SLIT3: variants seen among roughly 807,000 people sequenced by gnomAD.
The protein encoded by SLIT3 is slit homolog 3 protein.
A neutral mutation model predicts 184.0 loss-of-function variants in SLIT3; 68 were observed. The ratio of observed to expected loss-of-function variants is 0.37; its 90% CI spans 0.30 to 0.45. The LOEUF is 0.45. Among genes scored for constraint, SLIT3 ranks in the 20% least tolerant of loss-of-function variants. The pLI is 1.00. For synonymous variants in SLIT3, 831 were observed against 828.6 expected, an observed-to-expected ratio of 1.00 and a Z score of -0.05; for missense variants, 1,707 against 2,026.0, an observed-to-expected ratio of 0.84 and a Z score of 3.02.
chr5:168,712,363 G>C lies in SLIT3; in HGVS notation c.2484-9C>G. 3 of 1,613,878 alleles carry C rather than the reference G, an allele frequency of 1.9e-6. No homozygotes were observed. The highest frequency in any genetic ancestry group is 2.5e-6 in the Non-Finnish European group (3 of 1,179,724). On this transcript the variant is annotated splice_polypyrimidine_tract_variant and intron_variant, in intron 23 of 35. Coordinates refer to ENST00000519560, the MANE Select transcript of SLIT3 (RefSeq NM_003062.4). ...CATTGCCATGGAGGGTTCTGAAGCA[G>C]AGGGCACAGGTCGGAAGGTTAGCAT...
At chr5:168,863,317 G>A (rs1044699118) in intron 5 of SLIT3, among the ~76,000 whole-genome samples, 6 of 152,174 alleles carry the variant, frequency 3.9e-5, no homozygotes, top group Non-Finnish European at 8.8e-5. Flanking sequence ...AGACAAAAGC[G>A]ATATTCAGCC....
At chr5:169,067,266 C>T (rs1339568723) in intron 4 of SLIT3, among the ~76,000 whole-genome samples, 1 of 151,970 alleles carries the variant, frequency 6.6e-6, no homozygotes, top group Non-Finnish European at 1.5e-5. Context: ...AAAAATTAGG[C>T]ATGGTGGCAC....
At chr5:168,683,503 A>T (rs1170586598) in intron 32 of SLIT3, among the ~76,000 whole-genome samples, 1 of 152,180 alleles carries the variant, frequency 6.6e-6, no homozygotes, top group African/African-American at 2.4e-5. Context: ...GTTTAGGAAA[A>T]GCTGCCCTTC....
At chr5:169,192,239 A>G (rs1448093783) in intron 4 of SLIT3, among the ~76,000 whole-genome samples, 1 of 152,170 alleles carries the variant, frequency 6.6e-6, no homozygotes, top group Non-Finnish European at 1.5e-5. Context: ...TCCTACATTT[A>G]GCAAAGTCAG....
chr5:169,192,421 C>CTCTG (rs1554105910), intron 4 of SLIT3, among the ~76,000 whole-genome samples: 5 of 111,416 alleles, frequency 4.5e-5, no homozygotes, highest in African/African-American at 1.4e-4. Context: ...TGTATATAGT[C>CTCTG]TCTGTGTGTG....
intron 9 of SLIT3, among the ~76,000 whole-genome samples, chr5:168,799,804 G>C (rs1561939552): frequency 6.6e-6 from 1 of 152,180 alleles, no homozygotes; most frequent in Non-Finnish European, 1.5e-5. Flanking sequence ...ACAGTACTAT[G>C]AACCAAGTAG....
intron 3 of SLIT3, among the ~76,000 whole-genome samples, chr5:169,203,351 G>GCGCACACACA (rs1316849336): frequency 3.4e-5 from 5 of 147,424 alleles, no homozygotes; most frequent in African/African-American, 1.3e-4. Context: ...ATGTGAATGT[G>GCGCACACACA]CACACACACA....
chr5:169,123,595 G>A (rs948159432), intron 4 of SLIT3, among the ~76,000 whole-genome samples: 7 of 152,196 alleles, frequency 4.6e-5, no homozygotes, highest in Non-Finnish European at 1.0e-4. Flanking sequence ...TGCCAAAACT[G>A]TTGTACCCAA....
chr5:169,262,778 G>A (rs535201519), intron 1 of SLIT3, among the ~76,000 whole-genome samples: 1 of 152,234 alleles, frequency 6.6e-6, no homozygotes, highest in South Asian at 2.1e-4. Context: ...GCACCTATCA[G>A]ATCCAGGAAC....
intron 35 of SLIT3, 95 bp downstream of exon 35, chr5:168,669,688 T>C: frequency 9.9e-7 from 1 of 1,013,886 alleles, no homozygotes; most frequent in Non-Finnish European, 1.5e-6. Context: ...ATGCAGCCTT[T>C]AAGTGGCACA....
At chr5:168,769,864 C>G (rs915022833) in intron 14 of SLIT3, among the ~76,000 whole-genome samples, 1 of 152,140 alleles carries the variant, frequency 6.6e-6, no homozygotes, top group Non-Finnish European at 1.5e-5. Flanking sequence ...ATACTCAATA[C>G]CTTAGATAAG....
chr5:169,199,986 C>T (rs991608028), intron 3 of SLIT3, among the ~76,000 whole-genome samples: 1 of 152,202 alleles, frequency 6.6e-6, no homozygotes, highest in South Asian at 2.1e-4. Context: ...ATCAATAGCC[C>T]TGCTGATCCG....
chr5:168,686,318 T>C (rs537792101), intron 30 of SLIT3, among the ~76,000 whole-genome samples: 222 of 152,254 alleles, frequency 1.5e-3, no homozygotes, highest in African/African-American at 5.2e-3. Flanking sequence ...GGGTGATTTC[T>C]TAAAAGAGCA....
intron 10 of SLIT3, among the ~76,000 whole-genome samples, chr5:168,795,187 T>C (rs1180986947): frequency 9.2e-5 from 14 of 152,324 alleles, no homozygotes; most frequent in Non-Finnish European, 2.9e-5. Context: ...TAGGTCCACA[T>C]CACTGGAGCC....
intron 5 of SLIT3, among the ~76,000 whole-genome samples, chr5:168,859,808 G>A (rs1033848629): frequency 6.6e-6 from 1 of 152,158 alleles, no homozygotes; most frequent in African/African-American, 2.4e-5. Context: ...TTATTTGGGA[G>A]TGGGAGTAGG....
chr5:169,143,728 G>A (rs1455506680), intron 4 of SLIT3, among the ~76,000 whole-genome samples: 1 of 152,184 alleles, frequency 6.6e-6, no homozygotes, highest in African/African-American at 2.4e-5. Context: ...TTGAACCTGG[G>A]AGGTGGAACT....
At position 169,300,506 on chromosome 5, in the gene SLIT3, T is replaced by C; in HGVS notation, c.197+7A>G. 6.7e-7 allele frequency: 1 copy of C among 1,491,424 alleles called. No individual in the cohort carries two copies. Among genetic ancestry groups the C allele is most frequent in the South Asian group, 1.3e-5 (1 of 78,802 alleles). The allele number at this position is 1,491,424 out of a possible 1,614,324, so 92.4% of individuals were successfully genotyped here. On this transcript the variant is annotated splice_region_variant and intron_variant, in intron 1 of 35. Transcript: ENST00000519560. The surrounding 1 kb of genome is among the most constrained non-coding windows in gnomAD (Gnocchi z 4.1). ...TGGCCCGCGTGGGGTGGGGCAGGGG[T>C]ACTCACAGGCGCTCAGCGTTGCGGG...
At chr5:169,251,497 G>C (rs751821982) in intron 1 of SLIT3, 38 bp from the exon 2 acceptor site, 2 of 1,405,448 alleles carry the variant, frequency 1.4e-6, no homozygotes, top group South Asian at 2.3e-5. Flanking sequence ...ATTTTTGTGG[G>C]TTACAATTAC....
chr5:168,933,473 C>T (rs1237938453), intron 4 of SLIT3, among the ~76,000 whole-genome samples: 1 of 151,870 alleles, frequency 6.6e-6, no homozygotes, highest in East Asian at 1.9e-4. Flanking sequence ...ACCCGGGAGG[C>T]GGAGGTTGCA....
Sources: gnomAD v4.1 joint callset for allele counts (sites outside exome capture counted in the v4.1 genomes callset) on GRCh38, gnomAD v4.1.1 for gene constraint, Gnocchi (gnomAD v3.1) non-coding constraint, MANE v1.5 for transcripts, NCBI Gene and HGNC (gene_info 2026-07-23, HGNC 2026-07-21) for gene names.